The following RNF123 variants were observed in gnomAD, a reference collection of about 807,000 sequenced individuals.
The protein encoded by RNF123 is E3 ubiquitin-protein ligase RNF123.
A neutral mutation model predicts 168.5 loss-of-function variants in RNF123; 86 were observed. The ratio of observed to expected loss-of-function variants is 0.51; its 90% CI spans 0.43 to 0.61. The LOEUF is 0.61. Ranked by LOEUF, RNF123 falls within the 20% of genes least tolerant of loss-of-function variation. RNF123 has a pLI of 0.00. For synonymous variants in RNF123, 666 were observed against 689.1 expected, an observed-to-expected ratio of 0.97 and a Z score of 0.52; for missense variants, 1,419 against 1,729.7, an observed-to-expected ratio of 0.82 and a Z score of 3.19.
chr3:49,714,042 G>A, intron 30 of RNF123, 45 bp downstream of exon 30: 1 of 1,613,356 alleles, frequency 6.2e-7, no homozygotes, highest in South Asian at 1.1e-5. Context: ...GCTGGAGGGA[G>A]AGGGTGCGCT....
chr3:49,697,380 C>T lies in RNF123; in HGVS notation c.265C>T (p.Leu89Phe), dbSNP rs899985755. 1.9e-6 allele frequency: 3 copies of T among 1,608,684 alleles called. No individual in the cohort carries two copies. The African/African-American group carries it at 4.0e-5, about 21-fold the overall frequency. ...EESQGQVEGR[L>F]GPSTVVLDHT... ...CTTTTCAGGACAGGTTGAAGGGCGG[C>T]TTGGCCCATCCACTGTGGTCCTGGA... The change falls in exon 5 of 39, where the codon CTT becomes TTT. Residue 89 changes from leucine (L) to phenylalanine (F), a missense_variant. By Grantham distance (22) the Leu-to-Phe change is conservative (BLOSUM62 0). Around this residue, in one of 5 missense-constraint regions of RNF123, gnomAD observed 318 missense variants for 446.6 expected, o/e 0.71. Transcript: ENST00000327697.
At chr3:49,712,773 G>C in intron 27 of RNF123, 117 bp downstream of exon 27, 1 of 1,194,406 alleles carries the variant, frequency 8.4e-7, no homozygotes, top group Admixed American at 1.8e-5. Context: ...GGGGCGGGGA[G>C]GGGAGGAGCT....
chr3:49,701,486 G>A lies in RNF123; in HGVS notation c.1278-5G>A, dbSNP rs769768189. 10 of 1,611,912 alleles carry A rather than the reference G, an allele frequency of 6.2e-6. No homozygotes were observed. The highest frequency in any genetic ancestry group is 2.7e-5 in the African/African-American group (2 of 74,894). On this transcript the variant is annotated splice_polypyrimidine_tract_variant and splice_region_variant and intron_variant, in intron 15 of 38. Coordinates refer to ENST00000327697, the MANE Select transcript of RNF123 (RefSeq NM_022064.5). ...CAAGCAGAGCCCTGCCTTGACACCC[G>A]CCAGCTTCGACGTGCTCCGCTCCGT...
intron 2 of RNF123, 53 bp downstream of exon 2, chr3:49,691,300 G>A (rs2054159640): frequency 6.3e-7 from 1 of 1,597,696 alleles, no homozygotes; most frequent in Non-Finnish European, 8.6e-7. Context: ...GGAGAAGGAA[G>A]GGACAAAGGC....
intron 35 of RNF123, chr3:49,718,585 C>A: frequency 6.2e-7 from 1 of 1,613,014 alleles, no homozygotes; most frequent in Non-Finnish European, 8.5e-7. Flanking sequence ...CCTCAGGGAC[C>A]GACCCACCAG....
At chr3:49,714,673 A>G (rs1436565703) in intron 31 of RNF123, among the ~76,000 whole-genome samples, 1 of 152,180 alleles carries the variant, frequency 6.6e-6, no homozygotes, top group Non-Finnish European at 1.5e-5. Context: ...GGTATTCACG[A>G]GAGTTCCTGG....
rs369974257 is a variant in RNF123 at position 49,699,657 on chromosome 3, C to A, written c.880-11C>A. ...GCCCCTCACACTTCTCCCTCCTCCC[C>A]CTCCACACAGGAGGGGCGGCTGTTG... On this transcript the variant is annotated splice_polypyrimidine_tract_variant and intron_variant, in intron 11 of 38. Coordinates refer to ENST00000327697, the MANE Select transcript of RNF123 (RefSeq NM_022064.5). The surrounding 1 kb of genome is among the most constrained non-coding windows in gnomAD (Gnocchi z 4.8). 6.2e-4 allele frequency: 1,000 copies of A among 1,613,530 alleles called. 1 individual carries two copies. Among genetic ancestry groups the A allele is most frequent in the Non-Finnish European group, 7.8e-4 (924 of 1,179,830 alleles).
chr3:49,719,189 C>T (rs1291939916), intron 35 of RNF123: 1 of 1,613,322 alleles, frequency 6.2e-7, no homozygotes, highest in African/African-American at 1.3e-5. Flanking sequence ...TCGTTGTGGT[C>T]TAGGTGCAGG....
At chr3:49,708,244 G>A (rs4855841) in intron 26 of RNF123, among the ~76,000 whole-genome samples, 77,720 of 152,054 alleles carry the variant, frequency 0.51, 20,980 homozygotes, top group East Asian at 0.82. Flanking sequence ...GGTTACAGGC[G>A]TGCGCCACTG....
In RNF123 at chr3:49,697,917, C is replaced by G. The variant is rs1249931127; in HGVS notation, c.375C>G (p.Arg125=). 13 of 1,614,108 alleles carry G rather than the reference C, an allele frequency of 8.1e-6. No individual in the cohort carries two copies. The highest frequency in any genetic ancestry group is 1.1e-5 in the Non-Finnish European group (13 of 1,180,058). Residue 125 remains arginine (R), a synonymous_variant, in exon 6 of 39, where the codon CGC becomes CGG. Transcript: ENST00000327697. ...VIGHSNFGTI[R]STTCVYKGKW... ...GACACAGCAACTTTGGCACCATCCG[C>G]TCTACCACATGCGTGTACAAAGGTG... is the stretch of plus-strand genomic sequence containing the variant.
intron 26 of RNF123, among the ~76,000 whole-genome samples, chr3:49,711,672 G>A (rs574308815): frequency 6.6e-6 from 1 of 152,214 alleles, no homozygotes; most frequent in South Asian, 2.1e-4. Context: ...AAGACACACG[G>A]GTGCTGTGGG....
In RNF123 at chr3:49,699,764, C is replaced by T; in HGVS notation, c.976C>T (p.Pro326Ser). 1.9e-6 allele frequency: 3 copies of T among 1,613,448 alleles called. No homozygotes were observed. Among genetic ancestry groups the T allele is most frequent in the Middle Eastern group, 3.5e-4 (2 of 5,788 alleles). The stretch of plus-strand genomic sequence containing the variant: ...GGCCCACATCTTCCATCACTTTGCA[C>T]CGCTTCTGGTGAGCGGCATTGGGAG... ...TLAHIFHHFA[P>S]LLRKVYLVEA... Residue 326 changes from proline (P) to serine (S), a missense_variant, in exon 12 of 39, where the codon CCG becomes TCG. Around this residue, in one of 5 missense-constraint regions of RNF123, gnomAD observed 318 missense variants for 446.6 expected, o/e 0.71. Coordinates refer to ENST00000327697, the MANE Select transcript of RNF123 (RefSeq NM_022064.5). The surrounding 1 kb of genome is among the most constrained non-coding windows in gnomAD (Gnocchi z 4.8).
intron 3 of RNF123, among the ~76,000 whole-genome samples, chr3:49,693,856 A>G (rs1191903606): frequency 1.3e-5 from 2 of 152,194 alleles, no homozygotes; most frequent in African/African-American, 4.8e-5. Context: ...ATGACCAGTG[A>G]CGTTGAATGC....
intron 3 of RNF123, among the ~76,000 whole-genome samples, chr3:49,693,065 T>C (rs1049336411): frequency 6.6e-6 from 1 of 152,036 alleles, no homozygotes; most frequent in Non-Finnish European, 1.5e-5. Context: ...ATTTTTTTTT[T>C]TGAGACGGAG....
intron 26 of RNF123, among the ~76,000 whole-genome samples, chr3:49,708,276 C>T (rs1001513704): frequency 6.6e-6 from 1 of 152,172 alleles, no homozygotes; most frequent in Non-Finnish European, 1.5e-5. Context: ...CCATCATAGC[C>T]ATTTTTAAGT....
At chr3:49,713,701 T>G (rs1368333828) in intron 28 of RNF123, 37 bp from the exon 29 acceptor site, 28 of 1,578,046 alleles carry the variant, frequency 1.8e-5, no homozygotes, top group Non-Finnish European at 2.2e-5. Context: ...CCAGGGCTCA[T>G]GCCAAGCCCC....
chr3:49,715,579 C>T lies in RNF123; in HGVS notation c.3015C>T (p.Pro1005=), dbSNP rs780241050. The change falls in exon 32 of 39, where the codon CCC becomes CCT. Residue 1005 remains proline, a synonymous_variant. Transcript: ENST00000327697. ...CCGCCTCCTGTCCCCCTGCAGAGCC[C>T]TGCCCTTCCACCCTGCTGCAGCAGC... ...EDANLPSLQK[P]CPSTLLQQHM... 2.5e-6 allele frequency: 4 copies of T among 1,613,894 alleles called. No homozygotes were observed. The highest frequency in any genetic ancestry group is 3.4e-6 in the Non-Finnish European group (4 of 1,179,986).
At chr3:49,691,393 G>A (rs745693284) in intron 2 of RNF123, 32 bp from the exon 3 acceptor site, 17 of 1,612,154 alleles carry the variant, frequency 1.1e-5, no homozygotes, top group South Asian at 5.5e-5. Flanking sequence ...CTGATCATGT[G>A]GCCCTTTTCT....
At chr3:49,693,347 C>CTT (rs35938648) in intron 3 of RNF123, among the ~76,000 whole-genome samples, 5,133 of 34,254 alleles carry the variant, frequency 0.15, 1,523 homozygotes, top group Non-Finnish European at 0.17. Context: ...TGTGCCTGGC[C>CTT]TTTTTTTTTT....
Sources: gnomAD v4.1 joint callset for allele counts (sites outside exome capture counted in the v4.1 genomes callset) on GRCh38, gnomAD v4.1.1 for gene constraint, gnomAD v4.1.1 regional missense constraint, Gnocchi (gnomAD v3.1) non-coding constraint, MANE v1.5 for transcripts, NCBI Gene and HGNC (gene_info 2026-07-23, HGNC 2026-07-21) for gene names.